C12orf42: variants seen among roughly 807,000 people sequenced by gnomAD.
C12orf42 encodes the protein chromosome 12 open reading frame 42.
In C12orf42, 25 loss-of-function variants were observed where a neutral mutation model predicts 21.6. The observed-to-expected ratio is 1.16, with a 90% CI of 0.84 to 1.62. The LOEUF is 1.62. Ranked by LOEUF, C12orf42 falls within the 40% of genes most tolerant of loss-of-function variation. C12orf42 has a pLI of 0.00. For missense variants in C12orf42, 483 were observed against 459.3 expected (o/e 1.05, Z -0.47); for synonymous variants, 174 against 175.0 (o/e 0.99, Z 0.05).
the C12orf42 span, among the ~76,000 whole-genome samples, chr12:103,077,501 A>G: frequency 6.6e-6 from 1 of 152,326 alleles, no homozygotes; most frequent in Non-Finnish European, 1.5e-5. Flanking sequence ...ATCACCTAAC[A>G]AGTAAATAGT....
chr12:103,247,710 C>T (rs2034077091), intron 10 of C12orf42, among the ~76,000 whole-genome samples: 1 of 151,988 alleles, frequency 6.6e-6, no homozygotes, highest in Admixed American at 6.6e-5. Flanking sequence ...CCTAGTCTAG[C>T]TGGGCCAAGC....
At chr12:103,059,320 C>CT in the C12orf42 span, among the ~76,000 whole-genome samples, 1 of 152,204 alleles carries the variant, frequency 6.6e-6, no homozygotes, top group African/African-American at 2.4e-5. Context: ...AGTCCTGAAA[C>CT]TGAGGCAGTA....
At chr12:103,452,201 T>A (rs1475758250) in intron 2 of C12orf42, among the ~76,000 whole-genome samples, 1 of 151,836 alleles carries the variant, frequency 6.6e-6, no homozygotes, top group Non-Finnish European at 1.5e-5. Flanking sequence ...GATGACTGGA[T>A]TACAGGTTTT....
the C12orf42 span, among the ~76,000 whole-genome samples, chr12:103,138,164 A>G: frequency 6.6e-6 from 1 of 152,342 alleles, no homozygotes; most frequent in East Asian, 1.9e-4. Context: ...ATTTGTATCA[A>G]CTAAAAAAAT....
At chr12:103,299,852 A>G (rs1321952111), downstream of C12orf42, among the ~76,000 whole-genome samples, 1 of 152,218 alleles carries the variant, frequency 6.6e-6, no homozygotes, top group Admixed American at 6.5e-5. Flanking sequence ...CCAGCCCATG[A>G]CGATGACAGA....
intron 5 of C12orf42, among the ~76,000 whole-genome samples, chr12:103,273,388 C>A (rs1285450355): frequency 6.6e-6 from 1 of 152,116 alleles, no homozygotes; most frequent in Non-Finnish European, 1.5e-5. Context: ...TTTTAATGAA[C>A]ATAATGACTG....
intron 2 of C12orf42, among the ~76,000 whole-genome samples, chr12:103,465,828 G>A (rs7136280): frequency 0.58 from 87,698 of 151,962 alleles, 26,876 homozygotes; most frequent in Admixed American, 0.69. Flanking sequence ...TTTTATTGAA[G>A]GACTTTTCTG....
At position 103,484,972 on chromosome 12, in the gene C12orf42, C is replaced by G. The variant is rs1954733810; in HGVS notation, c.-21-6525G>C. 2.7e-5 allele frequency among the ~76,000 whole-genome samples: 4 copies of G among 149,968 alleles called. No individual in the cohort carries two copies. In the South Asian group the frequency reaches 8.5e-4, roughly 32 times the overall value. ...GCAAGCTCCACCTCCTGGGTTCATG[C>G]CATTCTCCTGCCTCAGCCTTCTGAG... On this transcript the variant is annotated intron_variant, in intron 1 of 5. Transcript: ENST00000548883.
At chr12:103,495,528 G>A (rs1392416797) in intron 1 of C12orf42, among the ~76,000 whole-genome samples, 7 of 152,164 alleles carry the variant, frequency 4.6e-5, no homozygotes, top group East Asian at 1.9e-4. Context: ...ATTGTGGGCC[G>A]CGCTCGCCTC....
At chr12:103,525,134 C>T in the C12orf42 span, among the ~76,000 whole-genome samples, 2 of 152,176 alleles carry the variant, frequency 1.3e-5, no homozygotes, top group South Asian at 4.1e-4. Context: ...CCCCCTGCCT[C>T]AGCCTTCCAA....
At chr12:103,274,730 C>G (rs979292530) in intron 5 of C12orf42, among the ~76,000 whole-genome samples, 1 of 152,158 alleles carries the variant, frequency 6.6e-6, no homozygotes, top group African/African-American at 2.4e-5. Flanking sequence ...GAATCCTTCT[C>G]AAGGTTCAGC....
intron 2 of C12orf42, among the ~76,000 whole-genome samples, chr12:103,441,074 T>A (rs1451039674): frequency 6.6e-6 from 1 of 152,208 alleles, no homozygotes; most frequent in East Asian, 1.9e-4. Flanking sequence ...AGCATCATTT[T>A]TAATTGATAA....
downstream of C12orf42, among the ~76,000 whole-genome samples, chr12:103,298,240 A>C (rs1161089336): frequency 6.6e-6 from 1 of 152,196 alleles, no homozygotes; most frequent in East Asian, 1.9e-4. Flanking sequence ...TTAAGCTGAT[A>C]AGCAACTTCA....
chr12:103,138,976 G>A, the C12orf42 span, among the ~76,000 whole-genome samples: 4 of 152,152 alleles, frequency 2.6e-5, no homozygotes, highest in South Asian at 8.3e-4. Context: ...TATTGTTCTC[G>A]ATGGTGTCAT....
At chr12:103,090,981 TA>T in the C12orf42 span, among the ~76,000 whole-genome samples, 555 of 141,616 alleles carry the variant, frequency 3.9e-3, no homozygotes, top group Middle Eastern at 7.3e-3. Context: ...CCTACAAGTG[TA>T]AAAAAAAAAA....
At chr12:103,395,889 C>T (rs180853911) in intron 3 of C12orf42, among the ~76,000 whole-genome samples, 2 of 148,782 alleles carry the variant, frequency 1.3e-5, no homozygotes, top group East Asian at 2.0e-4. Context: ...TATATATATG[C>T]TATTCATAAT....
the C12orf42 span, among the ~76,000 whole-genome samples, chr12:103,094,562 C>T: frequency 6.6e-6 from 1 of 152,194 alleles, no homozygotes; most frequent in African/African-American, 2.4e-5. Flanking sequence ...TCTTCCTCCT[C>T]TGACTTTCCA....
At chr12:103,537,155 G>A in the C12orf42 span, among the ~76,000 whole-genome samples, 5 of 152,072 alleles carry the variant, frequency 3.3e-5, no homozygotes, top group East Asian at 7.7e-4. Flanking sequence ...ATAATACATG[G>A]TGTTTTTTAT....
the C12orf42 span, among the ~76,000 whole-genome samples, chr12:103,212,935 A>G: frequency 3.9e-5 from 6 of 152,042 alleles, no homozygotes; most frequent in Non-Finnish European, 7.4e-5. Context: ...ACACACACGC[A>G]CTACATATAT....
Sources: gnomAD v4.1 joint callset for allele counts (sites outside exome capture counted in the v4.1 genomes callset) on GRCh38, gnomAD v4.1.1 for gene constraint, MANE v1.5 for transcripts, NCBI Gene and HGNC (gene_info 2026-07-23, HGNC 2026-07-21) for gene names.